The following PRKCI variants were observed in gnomAD, a reference collection of about 807,000 sequenced individuals.
PRKCI encodes the protein protein kinase C iota type.
Under a neutral mutation model 84.0 loss-of-function variants are expected in PRKCI, and 43 were observed. The ratio of observed to expected loss-of-function variants is 0.51; its 90% confidence interval spans 0.40 to 0.66. The LOEUF is 0.66. Ranked by LOEUF, PRKCI falls within the 30% of genes least tolerant of loss-of-function variation. The pLI, the probability that PRKCI is intolerant of heterozygous loss-of-function variation, is 0.00. For missense variants in PRKCI, 459 were observed against 745.6 expected (o/e 0.62, Z 4.48); for synonymous variants, 216 against 234.4 (o/e 0.92, Z 0.72).
At position 170,231,533 on chromosome 3, in the gene PRKCI, C is replaced by T. The variant is rs188325817; in HGVS notation, c.102-3697C>T. 8.3e-3 allele frequency among the ~76,000 whole-genome samples: 1,265 copies of T among 151,526 alleles called. 6 individuals are homozygous for T. Among genetic ancestry groups the T allele is most frequent in the Non-Finnish European group, 0.013 (900 of 67,854 alleles). Reference sequence around the variant, plus strand: ...AGGCTGGAGTGTAGTGGCGTGATCTCGGCTCACTGCAACCTCCGCGTCCCA... The same window carrying T: ...AGGCTGGAGTGTAGTGGCGTGATCTTGGCTCACTGCAACCTCCGCGTCCCA... On this transcript the variant is annotated intron_variant, in intron 1 of 17. Coordinates refer to ENST00000295797, the MANE Select transcript of PRKCI (RefSeq NM_002740.6).
chr3:170,279,217 T>G (rs898174623), intron 8 of PRKCI, among the ~76,000 whole-genome samples: 36 of 152,160 alleles, frequency 2.4e-4, no homozygotes, highest in African/African-American at 8.4e-4. Flanking sequence ...TTGGTAGAGA[T>G]GAGGTTTCTT....
chr3:170,259,591 C>G (rs951529424), intron 2 of PRKCI, among the ~76,000 whole-genome samples: 4 of 152,092 alleles, frequency 2.6e-5, no homozygotes, highest in Admixed American at 2.6e-4. Context: ...GGCGGATCAC[C>G]TGAGGTCAGG....
At chr3:170,246,298 G>A (rs1225955340) in intron 2 of PRKCI, among the ~76,000 whole-genome samples, 17 of 151,882 alleles carry the variant, frequency 1.1e-4, no homozygotes, top group African/African-American at 3.9e-4. Context: ...GATTACAGGC[G>A]CCTGCCACCA....
At chr3:170,268,129 T>C in intron 5 of PRKCI, 129 bp downstream of exon 5, 1 of 697,684 alleles carries the variant, frequency 1.4e-6, no homozygotes, top group Non-Finnish European at 2.3e-6. Context: ...TGACCTTACA[T>C]TTCCAGTTTG....
At chr3:170,232,860 CAA>C (rs370660246) in intron 1 of PRKCI, among the ~76,000 whole-genome samples, 99 of 152,302 alleles carry the variant, frequency 6.5e-4, no homozygotes, top group African/African-American at 2.3e-3. Flanking sequence ...CCTTGAACTT[CAA>C]AGAGATTTCT....
At chr3:170,290,072 CAAA>C (rs34466537) in intron 12 of PRKCI, among the ~76,000 whole-genome samples, 4 of 126,476 alleles carry the variant, frequency 3.2e-5, no homozygotes, top group African/African-American at 2.9e-5. Context: ...AACTCGGTCT[CAAA>C]AAAAAAAAAA....
intron 15 of PRKCI, 68 bp from the exon 16 acceptor site, chr3:170,297,236 G>A: frequency 7.7e-7 from 1 of 1,298,962 alleles, no homozygotes; most frequent in Non-Finnish European, 1.1e-6. Context: ...ACACAACACA[G>A]ATCACAAAGA....
chr3:170,260,760 A>T (rs187644799), intron 3 of PRKCI, among the ~76,000 whole-genome samples: 1 of 152,132 alleles, frequency 6.6e-6, no homozygotes, highest in East Asian at 1.9e-4. Context: ...GCCCATTTAC[A>T]TGATGCTTTA....
intron 3 of PRKCI, among the ~76,000 whole-genome samples, chr3:170,262,767 A>G (rs1733759748): frequency 6.6e-6 from 1 of 151,742 alleles, no homozygotes; most frequent in African/African-American, 2.4e-5. Context: ...GCGTAAGCCA[A>G]CGTGCCCAGC....
intron 12 of PRKCI, among the ~76,000 whole-genome samples, chr3:170,284,924 C>G (rs1412009724): frequency 6.6e-6 from 1 of 152,118 alleles, no homozygotes; most frequent in Non-Finnish European, 1.5e-5. Context: ...ATATGACCTT[C>G]CAATTTTTGC....
At chr3:170,241,935 C>A (rs1361594937) in intron 2 of PRKCI, among the ~76,000 whole-genome samples, 1 of 151,810 alleles carries the variant, frequency 6.6e-6, no homozygotes, top group Non-Finnish European at 1.5e-5. Context: ...CATGGAGAAA[C>A]CCTGTCTCTA....
chr3:170,263,168 CAA>C (rs10592710), intron 3 of PRKCI, among the ~76,000 whole-genome samples: 75,893 of 142,546 alleles, frequency 0.53, 19,802 homozygotes, highest in African/African-American at 0.61. Flanking sequence ...AACTCTGTCT[CAA>C]AAAAAAAAAA....
intron 1 of PRKCI, among the ~76,000 whole-genome samples, chr3:170,234,647 G>C (rs1380061371): frequency 6.6e-6 from 1 of 151,956 alleles, no homozygotes; most frequent in Non-Finnish European, 1.5e-5. Context: ...CCTCATACTA[G>C]TAACCTTGAG....
At chr3:170,237,785 A>G (rs1413368666) in intron 2 of PRKCI, among the ~76,000 whole-genome samples, 2 of 152,112 alleles carry the variant, frequency 1.3e-5, no homozygotes, top group Non-Finnish European at 2.9e-5. Context: ...ACTGTTCAGG[A>G]AAAAAAGTAG....
intron 3 of PRKCI, among the ~76,000 whole-genome samples, chr3:170,261,127 A>ATTTTTT (rs982994574): frequency 7.4e-6 from 1 of 134,624 alleles, no homozygotes; most frequent in Admixed American, 7.5e-5. Context: ...TGACTGGCTA[A>ATTTTTT]TTTTTTTTTT....
chr3:170,292,899 G>A (rs1177648650), intron 13 of PRKCI, among the ~76,000 whole-genome samples: 1 of 148,872 alleles, frequency 6.7e-6, no homozygotes, highest in African/African-American at 2.5e-5. Flanking sequence ...AAATTAGCCG[G>A]GCGTGTTCAC....
chr3:170,278,755 G>A (rs192051150), intron 8 of PRKCI, among the ~76,000 whole-genome samples: 4 of 152,350 alleles, frequency 2.6e-5, no homozygotes, highest in Non-Finnish European at 4.4e-5. Flanking sequence ...TGATCAGTAA[G>A]TATTGCACTA....
intron 7 of PRKCI, among the ~76,000 whole-genome samples, chr3:170,273,731 C>T (rs960125724): frequency 1.3e-5 from 2 of 151,768 alleles, no homozygotes; most frequent in Non-Finnish European, 2.9e-5. Context: ...GGGAAAATCG[C>T]TTGAACCCAG....
At position 170,281,899 on chromosome 3, in the gene PRKCI, A is replaced by G; in HGVS notation, c.998A>G (p.Glu333Gly). The G allele has an allele frequency of 6.2e-7, 1 of 1,609,108 alleles. No homozygotes were observed. Among genetic ancestry groups the G allele is most frequent in the Non-Finnish European group, 8.5e-7 (1 of 1,177,772 alleles). The part of the protein sequence containing the change: ...QTESRLFFVI[E>G]YVNGGDLMFH... The stretch of plus-strand genomic sequence containing the variant: ...TGTTTTAGATTGTTCTTTGTTATAG[A>G]GTATGTAAATGGAGGAGACCTAATG... The change falls in exon 11 of 18, where the codon GAG becomes GGG. Residue 333 changes from glutamate to glycine, a missense_variant. By Grantham distance (98) the Glu-to-Gly change is moderately conservative. Around this residue, in one of 2 missense-constraint regions of PRKCI, gnomAD observed 209 missense variants for 425.9 expected, o/e 0.49. Transcript: ENST00000295797.
Sources: allele counts gnomAD v4.1 joint callset (sites outside exome capture counted in the v4.1 genomes callset), GRCh38; gene constraint gnomAD v4.1.1; regional missense constraint gnomAD v4.1.1; transcripts MANE v1.5; gene names NCBI Gene and HGNC (gene_info 2026-07-23, HGNC 2026-07-21).